The following ENGASE variants were observed in gnomAD, a reference collection of about 807,000 sequenced individuals.
ENGASE encodes endo-beta-N-acetylglucosaminidase, also known as cytosolic endo-beta-N-acetylglucosaminidase.
Under a neutral mutation model 78.5 loss-of-function variants are expected in ENGASE, and 69 were observed. The observed-to-expected ratio is 0.88, with a 90% CI of 0.72 to 1.07. The LOEUF (loss-of-function observed/expected upper bound fraction) is 1.07, where lower values mean the gene tolerates loss of function less well. Ranked by LOEUF, ENGASE falls within the 50% of genes least tolerant of loss-of-function variation. The pLI is 0.00. For synonymous variants in ENGASE, 408 were observed against 408.9 expected (o/e 1.00, Z 0.03); for missense variants, 943 against 988.4 (o/e 0.95, Z 0.62).
In ENGASE at chr17:79,079,554, T is replaced by C; in HGVS notation, c.482T>C (p.Phe161Ser). 1 of 1,614,072 alleles carries C rather than the reference T, an allele frequency of 6.2e-7. No individual in the cohort carries two copies. The highest frequency in any genetic ancestry group is 8.5e-7 in the Non-Finnish European group (1 of 1,180,000). The change falls in exon 4 of 14, where the codon TTT (phenylalanine) becomes TCT (serine). Residue 161 changes from phenylalanine (F) to serine (S), a missense_variant. By Grantham distance (155) the Phe-to-Ser change is radical. Transcript: ENST00000579016. ...TACCACTGGCAGTGCATCGACGTCT[T>C]TGTGTACTTCAGCCACCACACCGTC... ...AFYHWQCIDV[F>S]VYFSHHTVTI... is the part of the protein sequence containing the mutation.
At chr17:79,077,302 A>T in intron 1 of ENGASE, 128 bp from the exon 2 acceptor site, 1 of 817,760 alleles carries the variant, frequency 1.2e-6, no homozygotes, top group Non-Finnish European at 1.9e-6. Context: ...ATGTTTCTAT[A>T]GTTAATATTA....
rs915810203 is a variant in ENGASE at position 79,083,227 on chromosome 17, G to C, written c.1142+104G>C. 27 of 926,082 alleles carry C rather than the reference G, an allele frequency of 2.9e-5. No individual in the cohort carries two copies. Among genetic ancestry groups the C allele is most frequent in the Admixed American group, 2.9e-4 (13 of 44,648 alleles). The allele number at this position is 926,082 out of a possible 1,614,324, so 57.4% of individuals were successfully genotyped here. A position where few individuals can be genotyped will look rare whatever the true frequency, so the allele number is the denominator to read the frequency against. On this transcript the variant is annotated intron_variant, in intron 8 of 13. Coordinates refer to ENST00000579016, the MANE Select transcript of ENGASE (RefSeq NM_001042573.3). The surrounding 1 kb of genome is among the most constrained non-coding windows in gnomAD (Gnocchi z 4.9). ...GTGCTCTTTAGTGACCCTTCCTATG[G>C]GGGGGTGGTTAAGGGAGGATGACAG...
chr17:79,082,310 A>C, intron 7 of ENGASE: 1 of 1,412,370 alleles, frequency 7.1e-7, no homozygotes, highest in Non-Finnish European at 9.3e-7. Flanking sequence ...TACCAGACAG[A>C]GGCGCGTCGT....
Position 79,075,207 on chromosome 17 carries a change from G to C in ENGASE, c.146+117G>C, listed in dbSNP as rs949154887. On this transcript the variant is annotated intron_variant, in intron 1 of 13. Transcript: ENST00000579016. ...GGGCGGGGGGCCGGCGCCTGTGTCC[G>C]CTCCGTGCACAGTAAGGGACAGAGG... 2.7e-6 allele frequency: 3 copies of C among 1,128,510 alleles called. No individual in the cohort carries two copies. In the African/African-American group the frequency reaches 4.9e-5, roughly 18 times the overall value. 69.9% of individuals were successfully genotyped at this position (1,128,510 alleles called of 1,614,324 possible). A position where few individuals can be genotyped will look rare whatever the true frequency, so the allele number is the denominator to read the frequency against.
intron 7 of ENGASE, 161 bp downstream of exon 7, chr17:79,082,224 C>T (rs757374905): frequency 3.2e-5 from 49 of 1,549,998 alleles, no homozygotes; most frequent in East Asian, 1.2e-4. Context: ...TGTCCTGCCC[C>T]GGCCAAGCTA....
Position 79,087,076 on chromosome 17 carries a change from G to A in ENGASE, c.*727G>A, listed in dbSNP as rs2073337835. On this transcript the variant is annotated 3_prime_UTR_variant, in exon 14 of 14. Coordinates refer to ENST00000579016, the MANE Select transcript of ENGASE (RefSeq NM_001042573.3). ...GGCTCTGCGGCGTCTCTTCCGGGCTGTGGGCATGCAGGGAAGTGGCTCTGA... is the reference window on the plus strand; with the variant it reads ...GGCTCTGCGGCGTCTCTTCCGGGCTATGGGCATGCAGGGAAGTGGCTCTGA... The A allele has an allele frequency of 2.2e-6, 1 of 462,970 alleles. No homozygotes were observed. The highest frequency in any genetic ancestry group is 2.0e-5 in the African/African-American group (1 of 50,380). 28.7% of individuals were successfully genotyped at this position (462,970 alleles called of 1,614,324 possible). A position where few individuals can be genotyped will look rare whatever the true frequency, so the allele number is the denominator to read the frequency against.
At position 79,079,511 on chromosome 17, in the gene ENGASE, C is replaced by G; in HGVS notation, c.439C>G (p.Gln147Glu). Residue 147 changes from glutamine to glutamate, a missense_variant, in exon 4 of 14, where the codon CAG becomes GAG. Coordinates refer to ENST00000579016, the MANE Select transcript of ENGASE (RefSeq NM_001042573.3). Reference sequence around the variant, plus strand: ...CAGGTTCATTCAGGGCTCGGTGGTGCAGACTCCCTATGCTTTCTACCACTG... The same window carrying G: ...CAGGTTCATTCAGGGCTCGGTGGTGGAGACTCCCTATGCTTTCTACCACTG... ...DDRFIQGSVV[Q>E]TPYAFYHWQC... The G allele has an allele frequency of 6.2e-7, 1 of 1,613,552 alleles. No individual in the cohort carries two copies. Among genetic ancestry groups the G allele is most frequent in the East Asian group, 2.2e-5 (1 of 44,884 alleles).
intron 13 of ENGASE, 37 bp from the exon 14 acceptor site, chr17:79,085,896 C>T (rs780747897): frequency 4.7e-5 from 74 of 1,574,952 alleles, no homozygotes; most frequent in Admixed American, 2.4e-4. Context: ...TCCCCGCCCC[C>T]GGGCGTCCAG....
rs543330410 is a variant in ENGASE at position 79,088,195 on chromosome 17, G to C, written c.*1846G>C. The C allele has an allele frequency of 1.3e-5, 2 of 151,012 alleles. No homozygotes were observed. The highest frequency in any genetic ancestry group is 3.9e-4 in the East Asian group (2 of 5,152). 9.4% of individuals were successfully genotyped at this position (151,012 alleles called of 1,614,324 possible). ...TTTTTTCAGCTGTGACCATTCCCGGGAGCTCTTTGAGCCTTTCTGTCTCAT... is the reference window on the plus strand; with the variant it reads ...TTTTTTCAGCTGTGACCATTCCCGGCAGCTCTTTGAGCCTTTCTGTCTCAT... On this transcript the variant is annotated 3_prime_UTR_variant, in exon 14 of 14. Transcript: ENST00000579016.
chr17:79,077,326 A>C, intron 1 of ENGASE, 104 bp from the exon 2 acceptor site: 4 of 979,148 alleles, frequency 4.1e-6, no homozygotes, highest in Non-Finnish European at 6.0e-6. Flanking sequence ...AACATAAGGC[A>C]GAGAATATCT....
At chr17:79,085,194 T>G (rs184617167) in intron 11 of ENGASE, 40 bp from the exon 12 acceptor site, 19 of 1,540,318 alleles carry the variant, frequency 1.2e-5, no homozygotes, top group Admixed American at 6.7e-5. Flanking sequence ...CCTTTTCCTT[T>G]GAGATTCTCC....
In ENGASE at chr17:79,077,954, G is replaced by C. The variant is rs914277547; in HGVS notation, c.416+90G>C. On this transcript the variant is annotated intron_variant, in intron 3 of 13. Transcript: ENST00000579016. ...GGGGCGGGAGAGAGTGCCATGTGTAGAAAGAGCACTGGGCGGGGAGTCAGG... is the reference window on the plus strand; with the variant it reads ...GGGGCGGGAGAGAGTGCCATGTGTACAAAGAGCACTGGGCGGGGAGTCAGG... 1.4e-5 allele frequency: 19 copies of C among 1,337,386 alleles called. No individual in the cohort carries two copies. In the African/African-American group the frequency reaches 2.8e-4, roughly 19 times the overall value. 82.8% of individuals were successfully genotyped at this position (1,337,386 alleles called of 1,614,324 possible).
chr17:79,082,236 G>A (rs977282099), intron 7 of ENGASE, 173 bp downstream of exon 7: 3 of 1,544,188 alleles, frequency 1.9e-6, no homozygotes, highest in African/African-American at 1.4e-5. Context: ...GCCAAGCTAT[G>A]TCCCCACTGA....
At position 79,087,034 on chromosome 17, in the gene ENGASE, C is replaced by T. The variant is rs369010486; in HGVS notation, c.*685C>T. On this transcript the variant is annotated 3_prime_UTR_variant, in exon 14 of 14. Coordinates refer to ENST00000579016, the MANE Select transcript of ENGASE (RefSeq NM_001042573.3). ...GCTGAGTGTGAGGTCATCTCCGGAG[C>T]GTTTTCAGCAGCCCCTGGCTCTGCG... 4 of 492,970 alleles carry T rather than the reference C, an allele frequency of 8.1e-6. No homozygotes were observed. The highest frequency in any genetic ancestry group is 3.0e-5 in the South Asian group (2 of 67,228). The allele number at this position is 492,970 out of a possible 1,614,324, so 30.5% of individuals were successfully genotyped here. A position where few individuals can be genotyped will look rare whatever the true frequency, so the allele number is the denominator to read the frequency against.
At chr17:79,077,980 A>G in intron 3 of ENGASE, 116 bp downstream of exon 3, 1 of 1,078,226 alleles carries the variant, frequency 9.3e-7, no homozygotes, top group Non-Finnish European at 1.3e-6. Flanking sequence ...GGGAGTCAGG[A>G]GACGGGCATT....
chr17:79,078,998 G>T (rs1326307731), intron 3 of ENGASE, among the ~76,000 whole-genome samples: 1 of 152,210 alleles, frequency 6.6e-6, no homozygotes, highest in African/African-American at 2.4e-5. Flanking sequence ...CACTCTGCCT[G>T]TGGCTACAGG....
chr17:79,078,011 GAGA>G, intron 3 of ENGASE, 147 bp downstream of exon 3: 1 of 794,188 alleles, frequency 1.3e-6, no homozygotes, highest in Non-Finnish European at 2.0e-6. Context: ...CACTAACTGC[GAGA>G]AGAAGGCAGG....
At chr17:79,081,419 G>A (rs952361181) in intron 6 of ENGASE, among the ~76,000 whole-genome samples, 8 of 152,208 alleles carry the variant, frequency 5.3e-5, no homozygotes, top group Admixed American at 6.5e-5. Context: ...GGAGAATGGC[G>A]TGAACCTGGG....
chr17:79,084,971 G>A (rs1198629107), intron 11 of ENGASE, among the ~76,000 whole-genome samples: 3 of 152,218 alleles, frequency 2.0e-5, no homozygotes, highest in East Asian at 1.9e-4. Context: ...GCTGCTGGCC[G>A]TGGCGTGGAG....
Sources: gnomAD v4.1 joint callset for allele counts (sites outside exome capture counted in the v4.1 genomes callset) on GRCh38, gnomAD v4.1.1 for gene constraint, Gnocchi (gnomAD v3.1) non-coding constraint, MANE v1.5 for transcripts, NCBI Gene and HGNC (gene_info 2026-07-23, HGNC 2026-07-21) for gene names.